Variants in MED13L observed in about 807,000 individuals in gnomAD.
The protein encoded by MED13L is mediator of RNA polymerase II transcription subunit 13-like.
In MED13L, 7 loss-of-function variants were observed where a neutral mutation model predicts 220.9. That is an observed-to-expected ratio of 0.03 (90% confidence interval 0.02 to 0.06). The LOEUF is 0.06. Among genes scored for constraint, MED13L ranks in the 10% least tolerant of loss-of-function variants. MED13L has a pLI of 1.00. For missense variants in MED13L, 1,965 were observed against 2,760.5 expected, an observed-to-expected ratio of 0.71 and a Z score of 6.46; for synonymous variants, 1,011 against 1,015.2, an observed-to-expected ratio of 1.00 and a Z score of 0.08.
chr12:116,097,912 C>T (rs574567437), intron 3 of MED13L, among the ~76,000 whole-genome samples: 19 of 152,260 alleles, frequency 1.2e-4, no homozygotes, highest in South Asian at 6.2e-4. Flanking sequence ...TGGCCAACTG[C>T]GGATGCCATG....
chr12:116,192,699 AC>A (rs1881359580), intron 2 of MED13L, among the ~76,000 whole-genome samples: 2 of 152,204 alleles, frequency 1.3e-5, no homozygotes, highest in South Asian at 4.1e-4. Flanking sequence ...AATTAAAAAA[AC>A]AACCCTGACC....
intron 25 of MED13L, among the ~76,000 whole-genome samples, chr12:115,973,101 T>G (rs1388229224): frequency 1.3e-5 from 2 of 152,188 alleles, no homozygotes; most frequent in Non-Finnish European, 2.9e-5. Flanking sequence ...GTTTCCATAT[T>G]CCCAATGAAC....
intron 2 of MED13L, among the ~76,000 whole-genome samples, chr12:116,119,363 G>A (rs963722014): frequency 5.3e-5 from 8 of 152,116 alleles, no homozygotes; most frequent in African/African-American, 1.9e-4. Flanking sequence ...AGGTACCACA[G>A]CATCTAGTGC....
intron 4 of MED13L, among the ~76,000 whole-genome samples, chr12:116,032,893 GA>G (rs1218292408): frequency 6.6e-6 from 1 of 152,082 alleles, no homozygotes; most frequent in Non-Finnish European, 1.5e-5. Flanking sequence ...AGGAGGAGAG[GA>G]GACAAGGAGA....
chr12:116,001,455 C>T (rs965417680), intron 14 of MED13L, among the ~76,000 whole-genome samples: 3 of 152,144 alleles, frequency 2.0e-5, no homozygotes, highest in Non-Finnish European at 2.9e-5. Context: ...CCTTGGGCTC[C>T]CAAAGTGCTG....
intron 2 of MED13L, among the ~76,000 whole-genome samples, chr12:116,162,658 A>G (rs1479132548): frequency 6.6e-6 from 1 of 152,234 alleles, no homozygotes; most frequent in East Asian, 1.9e-4. Context: ...CTAGACAGTA[A>G]CTATAAAATT....
At chr12:116,077,714 GACTT>G (rs1447625046) in intron 4 of MED13L, among the ~76,000 whole-genome samples, 1 of 152,168 alleles carries the variant, frequency 6.6e-6, no homozygotes, top group African/African-American at 2.4e-5. Flanking sequence ...GGATATAGAA[GACTT>G]ACTTTCTCAC....
At chr12:116,052,684 C>T (rs990278076) in intron 4 of MED13L, among the ~76,000 whole-genome samples, 25 of 152,130 alleles carry the variant, frequency 1.6e-4, no homozygotes, top group African/African-American at 5.6e-4. Flanking sequence ...GACAAATTAG[C>T]CATCCCAATC....
chr12:116,185,270 CCTTT>C (rs770897807), intron 2 of MED13L, among the ~76,000 whole-genome samples: 20 of 151,802 alleles, frequency 1.3e-4, no homozygotes, highest in Non-Finnish European at 2.5e-4. Flanking sequence ...AAAAGAAACA[CCTTT>C]CTTATTTTTA....
intron 4 of MED13L, among the ~76,000 whole-genome samples, chr12:116,080,205 C>A (rs1871133213): frequency 6.6e-6 from 1 of 152,048 alleles, no homozygotes; most frequent in South Asian, 2.1e-4. Context: ...CAATTGGGCA[C>A]AAGGGGCTGA....
chr12:116,008,147 A>T (rs1201165006), intron 10 of MED13L: 3 of 501,044 alleles, frequency 6.0e-6, no homozygotes, highest in Admixed American at 3.7e-5. Context: ...CAGTAGGGCA[A>T]AAATGTATTA....
chr12:116,196,428 C>G (rs1384286605), intron 2 of MED13L, among the ~76,000 whole-genome samples: 1 of 150,668 alleles, frequency 6.6e-6, no homozygotes, highest in Non-Finnish European at 1.5e-5. Context: ...TCGGCTGCAA[C>G]TTAATAGTCC....
intron 20 of MED13L, 118 bp from the exon 21 acceptor site, chr12:115,983,658 A>G: frequency 9.3e-7 from 1 of 1,075,924 alleles, no homozygotes; most frequent in Non-Finnish European, 1.4e-6. Context: ...TACTCTGATT[A>G]CAATACCCAA....
At chr12:116,116,989 C>G (rs1874579754) in intron 2 of MED13L, among the ~76,000 whole-genome samples, 1 of 151,168 alleles carries the variant, frequency 6.6e-6, no homozygotes, top group Non-Finnish European at 1.5e-5. Context: ...TCTCACAACA[C>G]AAAACAAACT....
At chr12:116,003,183 A>ATTGGTAGATGCCTC (rs1878852216) in intron 13 of MED13L, 81 bp from the exon 14 acceptor site, 2 of 1,204,244 alleles carry the variant, frequency 1.7e-6, no homozygotes, top group East Asian at 2.4e-5. Flanking sequence ...ATGTATGCCT[A>ATTGGTAGATGCCTC]TTGGTAGATG....
At chr12:116,015,871 G>A (rs1048309890) in intron 7 of MED13L, among the ~76,000 whole-genome samples, 1 of 152,116 alleles carries the variant, frequency 6.6e-6, no homozygotes, top group African/African-American at 2.4e-5. Context: ...TTAGTACTAC[G>A]ACACTGAAAG....
chr12:116,146,537 G>A (rs190362367), intron 2 of MED13L, among the ~76,000 whole-genome samples: 3 of 151,684 alleles, frequency 2.0e-5, no homozygotes, highest in East Asian at 2.0e-4. Context: ...TAGGGAAACC[G>A]AAAGATTGGA....
chr12:116,191,694 C>G (rs1230908516), intron 2 of MED13L, among the ~76,000 whole-genome samples: 1 of 151,938 alleles, frequency 6.6e-6, no homozygotes, highest in South Asian at 2.1e-4. Context: ...TAGAAATATG[C>G]GTTTTGCCAG....
intron 4 of MED13L, among the ~76,000 whole-genome samples, chr12:116,096,354 CAA>C (rs537207957): frequency 0.019 from 446 of 23,512 alleles, 1 homozygote; most frequent in Admixed American, 0.067. Context: ...GACACAGCCT[CAA>C]AAAAAAAAAA....
Sources: allele counts gnomAD v4.1 joint callset (sites outside exome capture counted in the v4.1 genomes callset), GRCh38; gene constraint gnomAD v4.1.1; transcripts MANE v1.5; gene names NCBI Gene and HGNC (gene_info 2026-07-23, HGNC 2026-07-21).